Variants in RGS20 observed in about 807,000 individuals in gnomAD.
RGS20 encodes the protein gz-selective GTPase-activating protein.
RGS20 carries 30 observed loss-of-function variants against 33.6 expected under a neutral mutation model. That is an observed-to-expected ratio of 0.89 (90% CI 0.67 to 1.21). The LOEUF is 1.21. Among genes scored for constraint, RGS20 ranks in the 50% most tolerant of loss-of-function variants. The probability of loss-of-function intolerance (pLI) is 0.00; values close to 1 mark genes in which losing one functional copy is unlikely to be tolerated. For synonymous variants in RGS20, 208 were observed against 197.9 expected, an observed-to-expected ratio of 1.05 and a Z score of -0.43; for missense variants, 472 against 502.4, an observed-to-expected ratio of 0.94 and a Z score of 0.58.
intron 5 of RGS20, 140 bp downstream of exon 4, chr8:53,954,450 G>T: frequency 1.7e-6 from 1 of 573,656 alleles, no homozygotes; most frequent in Non-Finnish European, 3.1e-6. Context: ...GATCACCTGA[G>T]GTGAGGAGTT....
At chr8:53,942,786 C>T (rs1355019607) in intron 3 of RGS20, among the ~76,000 whole-genome samples, 5 of 148,338 alleles carry the variant, frequency 3.4e-5, no homozygotes, top group Admixed American at 1.4e-4. Flanking sequence ...CCCAGGAGTT[C>T]GAGACCAGCT....
At chr8:53,912,216 A>G (rs1563390415) in intron 2 of RGS20, among the ~76,000 whole-genome samples, 1 of 152,144 alleles carries the variant, frequency 6.6e-6, no homozygotes, top group Non-Finnish European at 1.5e-5. Context: ...GATACTCAGT[A>G]TCCCAGTTCT....
intron 1 of RGS20, among the ~76,000 whole-genome samples, chr8:53,853,654 A>G (rs1173736516): frequency 2.0e-5 from 3 of 152,246 alleles, no homozygotes; most frequent in Non-Finnish European, 4.4e-5. Context: ...TTGAGTCTGC[A>G]GATACCATTG....
intron 1 of RGS20, among the ~76,000 whole-genome samples, chr8:53,862,107 TAAGAG>T (rs1811821967): frequency 6.6e-6 from 1 of 152,110 alleles, no homozygotes; most frequent in Admixed American, 6.5e-5. Flanking sequence ...AACTAGAAGT[TAAGAG>T]AAGTTTGCCT....
At chr8:53,911,581 G>C (rs1277927248) in intron 2 of RGS20, among the ~76,000 whole-genome samples, 1 of 152,112 alleles carries the variant, frequency 6.6e-6, no homozygotes, top group African/African-American at 2.4e-5. Flanking sequence ...GGTAGTAGAA[G>C]ATCCTAAACT....
intron 1 of RGS20, among the ~76,000 whole-genome samples, chr8:53,872,191 A>G (rs1812089198): frequency 1.3e-5 from 2 of 152,112 alleles, no homozygotes; most frequent in Non-Finnish European, 2.9e-5. Flanking sequence ...CTTCTGCCAA[A>G]CCTGTCCATT....
At chr8:53,922,305 C>T (rs1272981852) in intron 2 of RGS20, among the ~76,000 whole-genome samples, 1 of 152,050 alleles carries the variant, frequency 6.6e-6, no homozygotes, top group Non-Finnish European at 1.5e-5. Flanking sequence ...ATTTTATTTG[C>T]TATTATTAGA....
At chr8:53,864,712 C>T (rs1685417554) in intron 1 of RGS20, among the ~76,000 whole-genome samples, 1 of 152,058 alleles carries the variant, frequency 6.6e-6, no homozygotes, top group South Asian at 2.1e-4. Context: ...AATTTTTTTC[C>T]ACCATGTGGA....
intron 4 of RGS20, among the ~76,000 whole-genome samples, chr8:53,948,168 CTATA>C (rs1337491662): frequency 8.1e-6 from 1 of 123,468 alleles, no homozygotes; most frequent in Non-Finnish European, 1.6e-5. Flanking sequence ...TTTATATATG[CTATA>C]TATATGATAT....
intron 4 of RGS20, among the ~76,000 whole-genome samples, chr8:53,949,968 T>C (rs747054043): frequency 6.6e-6 from 1 of 151,700 alleles, no homozygotes. Context: ...GCCTCCCAAG[T>C]AACTGGGATT....
chr8:53,958,283 C>A lies in RGS20; in HGVS notation c.992C>A (p.Ser331Tyr). 6.2e-7 allele frequency: 1 copy of A among 1,611,068 alleles called. No individual in the cohort carries two copies. Among genetic ancestry groups the A allele is most frequent in the Non-Finnish European group, 8.5e-7 (1 of 1,178,324 alleles). ...TTCTGTCGACAGGTGAGCTTAGACT[C>A]CCGGGTGAGAGAAGTGATCAACAGA... Residue 331 changes from serine (S) to tyrosine (Y), a missense_variant, in exon 6 of 6, where the codon TCC (serine) becomes TAC (tyrosine). This residue lies in a region of RGS20 where 125 missense variants were observed against 169.5 expected (regional missense o/e 0.74). Transcript: ENST00000297313.
chr8:53,867,366 G>C (rs1811943995), intron 1 of RGS20, among the ~76,000 whole-genome samples: 1 of 152,154 alleles, frequency 6.6e-6, no homozygotes, highest in Non-Finnish European at 1.5e-5. Flanking sequence ...TTGGATGAGA[G>C]GGTTTTTCAT....
At chr8:53,954,433 G>A in intron 5 of RGS20, 123 bp downstream of exon 4, 1 of 635,904 alleles carries the variant, frequency 1.6e-6, no homozygotes, top group South Asian at 1.6e-5. Flanking sequence ...GGAGGCTGAG[G>A]CGGGCGGATC....
chr8:53,890,381 T>C (rs1028961014), intron 2 of RGS20, among the ~76,000 whole-genome samples: 7 of 152,242 alleles, frequency 4.6e-5, no homozygotes, highest in Non-Finnish European at 1.0e-4. Context: ...AATTCTTATC[T>C]ACTAAATCCA....
At chr8:53,933,020 G>A (rs896466780) in intron 2 of RGS20, among the ~76,000 whole-genome samples, 19 of 152,170 alleles carry the variant, frequency 1.2e-4, no homozygotes, top group African/African-American at 4.6e-4. Context: ...TGCAGCAGAG[G>A]GGCCTGTTAG....
In RGS20 at chr8:53,939,697, G is replaced by C; in HGVS notation, c.632G>C (p.Cys211Ser). 3.8e-6 allele frequency: 6 copies of C among 1,563,478 alleles called. No homozygotes were observed. The highest frequency in any genetic ancestry group is 5.2e-6 in the Non-Finnish European group (6 of 1,153,440). ...CGCGGGTCCAACGCATGCTGCTTCT[G>C]CTGGTGCTGCTGTTGTAGCTGCTCG... The change falls in exon 3 of 6, where the codon TGC becomes TCC. Residue 211 changes from cysteine to serine, a missense_variant. Around this residue, in one of 3 missense-constraint regions of RGS20, gnomAD observed 319 missense variants for 283.4 expected, o/e 1.13. Transcript: ENST00000297313.
rs1812644423 is a variant in RGS20 at position 53,889,417 on chromosome 8, T to C, written c.510+9815T>C. The stretch of plus-strand genomic sequence containing the variant: ...CTTTCTTTCTCTCTCTCTCTCTTTT[T>C]TTTTTTTTTTTTTTTTTTTTTTTTT... On this transcript the variant is annotated intron_variant, in intron 2 of 5. Transcript: ENST00000297313. Among the ~76,000 whole-genome samples, 7 of 64,830 alleles carry C rather than the reference T, an allele frequency of 1.1e-4. No homozygotes were observed. In the African/African-American group the frequency reaches 1.5e-3, roughly 14 times the overall value. 42.5% of individuals were successfully genotyped at this position (64,830 alleles called of 152,430 possible).
intron 1 of RGS20, among the ~76,000 whole-genome samples, chr8:53,870,583 T>C (rs1009475485): frequency 6.6e-6 from 1 of 152,222 alleles, no homozygotes; most frequent in African/African-American, 2.4e-5. Flanking sequence ...ATCAGCCTCA[T>C]TTGAAATTTC....
At chr8:53,935,449 A>G (rs562963847) in intron 2 of RGS20, among the ~76,000 whole-genome samples, 1 of 152,340 alleles carries the variant, frequency 6.6e-6, no homozygotes, top group South Asian at 2.1e-4. Flanking sequence ...CAGAAATACA[A>G]ACTACCATCA....
Sources: gnomAD v4.1 joint callset for allele counts (sites outside exome capture counted in the v4.1 genomes callset) on GRCh38, gnomAD v4.1.1 for gene constraint, gnomAD v4.1.1 regional missense constraint, MANE v1.5 for transcripts, NCBI Gene and HGNC (gene_info 2026-07-23, HGNC 2026-07-21) for gene names.